PAPPA2: variants seen among roughly 807,000 people sequenced by gnomAD.
The protein encoded by PAPPA2 is pappalysin-2.
A neutral mutation model predicts 176.4 loss-of-function variants in PAPPA2; 86 were observed. The ratio of observed to expected loss-of-function variants is 0.49; its 90% CI spans 0.41 to 0.58. The LOEUF is 0.58. PAPPA2 is among the 20% of genes least tolerant of loss of function. PAPPA2 has a pLI of 0.00. For synonymous variants in PAPPA2, 809 were observed against 852.2 expected (o/e 0.95, Z 0.88); for missense variants, 2,073 against 2,256.9 (o/e 0.92, Z 1.65).
At chr1:176,666,612 A>T (rs1393856626) in intron 3 of PAPPA2, among the ~76,000 whole-genome samples, 7 of 147,452 alleles carry the variant, frequency 4.7e-5, no homozygotes, top group African/African-American at 1.5e-4. Flanking sequence ...TGTGTGTGAG[A>T]GAGAGAGAGA....
intron 12 of PAPPA2, among the ~76,000 whole-genome samples, chr1:176,728,048 A>G (rs904614886): frequency 6.6e-6 from 1 of 152,024 alleles, no homozygotes; most frequent in African/African-American, 2.4e-5. Context: ...TATTTAGGAA[A>G]GAATCAAAAT....
At chr1:176,702,774 TGTGAGAGA>T (rs755500607) in intron 9 of PAPPA2, 39 bp downstream of exon 9, 325 of 1,435,278 alleles carry the variant, frequency 2.3e-4, no homozygotes, top group South Asian at 8.0e-4. Flanking sequence ...TGTGTGTGTG[TGTGAGAGA>T]GAGAGAGAGA....
chr1:176,655,344 G>C (rs12145416), intron 3 of PAPPA2, among the ~76,000 whole-genome samples: 26,496 of 151,620 alleles, frequency 0.17, 2,470 homozygotes, highest in Middle Eastern at 0.23. Flanking sequence ...ACAACCTGCA[G>C]AATGAGAGAA....
intron 21 of PAPPA2, among the ~76,000 whole-genome samples, chr1:176,804,832 T>G (rs1175919367): frequency 6.6e-6 from 1 of 152,210 alleles, no homozygotes; most frequent in African/African-American, 2.4e-5. Context: ...GCACATGGAT[T>G]TTAAAATTAT....
intron 1 of PAPPA2, among the ~76,000 whole-genome samples, chr1:176,495,587 A>C (rs1192964099): frequency 6.6e-6 from 1 of 151,812 alleles, no homozygotes; most frequent in Non-Finnish European, 1.5e-5. Context: ...TAACAGCTAG[A>C]GGATGGTGAC....
At chr1:176,587,919 A>G (rs137978172) in intron 2 of PAPPA2, among the ~76,000 whole-genome samples, 134 of 152,356 alleles carry the variant, frequency 8.8e-4, no homozygotes, top group African/African-American at 3.1e-3. Flanking sequence ...AAAGAAATTT[A>G]AAATAGTTTT....
chr1:176,810,763 G>A (rs1430409366), intron 21 of PAPPA2, among the ~76,000 whole-genome samples: 2 of 152,190 alleles, frequency 1.3e-5, no homozygotes, highest in South Asian at 2.1e-4. Context: ...AACTGTGGGG[G>A]TGAGGTCCAG....
At chr1:176,501,877 CCTT>C (rs1458754148) in intron 1 of PAPPA2, among the ~76,000 whole-genome samples, 1 of 152,126 alleles carries the variant, frequency 6.6e-6, no homozygotes, top group African/African-American at 2.4e-5. Context: ...TTCCTCTGAA[CCTT>C]TTGCAATAGT....
chr1:176,618,362 A>T (rs1302658274), intron 3 of PAPPA2, among the ~76,000 whole-genome samples: 2 of 152,200 alleles, frequency 1.3e-5, no homozygotes, highest in Non-Finnish European at 2.9e-5. Context: ...GAGATGGGCC[A>T]CCATTGACCC....
intron 20 of PAPPA2, 57 bp downstream of exon 20, chr1:176,793,726 G>A: frequency 7.4e-7 from 1 of 1,348,858 alleles, no homozygotes; most frequent in Admixed American, 2.3e-5. Flanking sequence ...GCAACACTTG[G>A]AGCATTATTT....
In PAPPA2 at chr1:176,825,094, C is replaced by T. The variant is rs143599440; in HGVS notation, c.5203-15079C>T. Among the ~76,000 whole-genome samples the T allele has an allele frequency of 6.5e-3, 992 of 152,308 alleles. 14 individuals carry two copies. Among genetic ancestry groups the T allele is most frequent in the African/African-American group, 0.022 (925 of 41,566 alleles). ...TGATCTGTTCACTTCTTAGTGCTTC[C>T]TCGGAGACTTACTTCCTGCCTTTCC... is the stretch of plus-strand genomic sequence containing the variant. On this transcript the variant is annotated intron_variant, in intron 21 of 22. Transcript: ENST00000367662.
At chr1:176,734,008 G>T (rs1411353808) in intron 12 of PAPPA2, among the ~76,000 whole-genome samples, 1 of 152,028 alleles carries the variant, frequency 6.6e-6, no homozygotes, top group African/African-American at 2.4e-5. Flanking sequence ...GCATGTCCTT[G>T]TATAGAGAGG....
intron 2 of PAPPA2, among the ~76,000 whole-genome samples, chr1:176,567,426 C>A (rs532081194): frequency 6.6e-6 from 1 of 152,250 alleles, no homozygotes; most frequent in East Asian, 1.9e-4. Flanking sequence ...CGTTGCAGAG[C>A]CTATAAGTTA....
chr1:176,626,005 A>G (rs1423277217), intron 3 of PAPPA2, among the ~76,000 whole-genome samples: 1 of 152,218 alleles, frequency 6.6e-6, no homozygotes, highest in African/African-American at 2.4e-5. Flanking sequence ...CCTGGGCAAC[A>G]GAGTGAGACT....
intron 1 of PAPPA2, among the ~76,000 whole-genome samples, chr1:176,493,674 A>G (rs1223474292): frequency 1.3e-5 from 2 of 152,174 alleles, no homozygotes; most frequent in Admixed American, 1.3e-4. Context: ...CAAATTTACC[A>G]TCCACAAAAC....
Position 176,594,724 on chromosome 1 carries a change from C to T in PAPPA2, c.1120C>T (p.Arg374Trp), listed in dbSNP as rs373160106. 224 of 1,614,108 alleles carry T rather than the reference C, an allele frequency of 1.4e-4. 1 individual carries two copies. Among genetic ancestry groups the T allele is most frequent in the East Asian group, 5.6e-4 (25 of 44,876 alleles). The change falls in exon 3 of 23, where the codon CGG becomes TGG. Residue 374 changes from arginine to tryptophan, a missense_variant. Physicochemically the swap from Arg to Trp is moderately radical, Grantham distance 101. This residue lies in a region of PAPPA2 where 1,196 missense variants were observed against 1,330.4 expected (regional missense o/e 0.90). Transcript: ENST00000367662. Reference protein sequence around the residue: ...WTHVAATYDGRHMALYVDGTQ... With the variant: ...WTHVAATYDGWHMALYVDGTQ... ...CCATGTGGCAGCCACTTACGATGGA[C>T]GGCACATGGCCCTGTATGTGGATGG...
chr1:176,705,858 T>C (rs377237001), intron 9 of PAPPA2, among the ~76,000 whole-genome samples: 1 of 152,166 alleles, frequency 6.6e-6, no homozygotes, highest in Non-Finnish European at 1.5e-5. Context: ...GAACAGGAGA[T>C]TGAATTCTAC....
At chr1:176,683,242 A>C (rs1470474820) in intron 4 of PAPPA2, among the ~76,000 whole-genome samples, 1 of 152,056 alleles carries the variant, frequency 6.6e-6, no homozygotes, top group African/African-American at 2.4e-5. Flanking sequence ...ACCATCCCCT[A>C]GACCACACAA....
intron 1 of PAPPA2, among the ~76,000 whole-genome samples, chr1:176,486,377 A>G (rs1652645220): frequency 6.6e-6 from 1 of 152,212 alleles, no homozygotes; most frequent in Non-Finnish European, 1.5e-5. Context: ...TATTTTAGAG[A>G]TGGTATAACA....
Sources: allele counts gnomAD v4.1 joint callset (sites outside exome capture counted in the v4.1 genomes callset), GRCh38; gene constraint gnomAD v4.1.1; regional missense constraint gnomAD v4.1.1; transcripts MANE v1.5; gene names NCBI Gene and HGNC (gene_info 2026-07-23, HGNC 2026-07-21).